The following JAKMIP2 variants were observed in gnomAD, a reference collection of about 807,000 sequenced individuals.
The protein encoded by JAKMIP2 is janus kinase and microtubule interacting protein 2, also known as janus kinase and microtubule-interacting protein 2.
In JAKMIP2, 25 loss-of-function variants were observed where a neutral mutation model predicts 115.0. The ratio of observed to expected loss-of-function variants is 0.22; its 90% CI spans 0.16 to 0.30. The LOEUF is 0.30. Among genes scored for constraint, JAKMIP2 ranks in the 10% least tolerant of loss-of-function variants. The pLI, the probability that JAKMIP2 is intolerant of heterozygous loss-of-function variation, is 1.00. For missense variants in JAKMIP2, 642 were observed against 957.6 expected (o/e 0.67, Z 4.35); for synonymous variants, 334 against 343.6 (o/e 0.97, Z 0.31).
chr5:147,612,181 G>C (rs545652415), intron 20 of JAKMIP2, 125 bp downstream of exon 20: 3 of 777,822 alleles, frequency 3.9e-6, no homozygotes, highest in Non-Finnish European at 6.9e-6. Flanking sequence ...TAGGTTTACT[G>C]TAACTATACC....
intron 1 of JAKMIP2, among the ~76,000 whole-genome samples, chr5:147,694,400 G>A (rs547510484): frequency 6.6e-6 from 1 of 152,200 alleles, no homozygotes; most frequent in African/African-American, 2.4e-5. Context: ...TCCTTGATGG[G>A]CTGTCTACAC....
At chr5:147,679,369 C>T (rs1760141758) in intron 1 of JAKMIP2, among the ~76,000 whole-genome samples, 1 of 152,116 alleles carries the variant, frequency 6.6e-6, no homozygotes, top group African/African-American at 2.4e-5. Flanking sequence ...GAAAATATGG[C>T]CACTATTTAC....
intron 1 of JAKMIP2, among the ~76,000 whole-genome samples, chr5:147,730,604 C>T (rs1056727338): frequency 1.5e-4 from 23 of 152,204 alleles, no homozygotes; most frequent in Non-Finnish European, 2.6e-4. Context: ...TAGAGGCACA[C>T]GCCACCATGT....
At chr5:147,606,484 G>A (rs1020645821) in intron 20 of JAKMIP2, among the ~76,000 whole-genome samples, 1 of 152,116 alleles carries the variant, frequency 6.6e-6, no homozygotes, top group Non-Finnish European at 1.5e-5. Flanking sequence ...TCAAAGATCC[G>A]ATGGTTGTAG....
intron 1 of JAKMIP2, among the ~76,000 whole-genome samples, chr5:147,763,993 T>TA (rs1303406908): frequency 6.6e-6 from 1 of 152,118 alleles, no homozygotes; most frequent in Non-Finnish European, 1.5e-5. Flanking sequence ...GGAAAATACT[T>TA]AGAGACCAAG....
chr5:147,592,438 G>T (rs1299323435), intron 21 of JAKMIP2, among the ~76,000 whole-genome samples: 1 of 152,192 alleles, frequency 6.6e-6, no homozygotes, highest in African/African-American at 2.4e-5. Flanking sequence ...GCTACCCTGG[G>T]GATGTGCCAG....
chr5:147,664,670 G>A (rs1759204541), intron 2 of JAKMIP2, among the ~76,000 whole-genome samples: 1 of 151,998 alleles, frequency 6.6e-6, no homozygotes, highest in African/African-American at 2.4e-5. Flanking sequence ...CTTAGTAGCG[G>A]TTTTCACAGT....
chr5:147,710,587 G>T (rs541023089), intron 1 of JAKMIP2, among the ~76,000 whole-genome samples: 1 of 152,244 alleles, frequency 6.6e-6, no homozygotes, highest in Non-Finnish European at 1.5e-5. Context: ...TATAATACTT[G>T]CTTTATCTCC....
At chr5:147,635,293 C>G (rs1333648215) in intron 12 of JAKMIP2, among the ~76,000 whole-genome samples, 1 of 151,922 alleles carries the variant, frequency 6.6e-6, no homozygotes, top group East Asian at 1.9e-4. Context: ...GTTCAGATAA[C>G]CAAAATTAAT....
chr5:147,596,751 T>C (rs1252405649), intron 21 of JAKMIP2, among the ~76,000 whole-genome samples: 1 of 152,224 alleles, frequency 6.6e-6, no homozygotes, highest in Non-Finnish European at 1.5e-5. Context: ...AATTTATATA[T>C]GACTGGATAA....
intron 3 of JAKMIP2, among the ~76,000 whole-genome samples, chr5:147,654,801 G>C (rs1267835614): frequency 2.0e-5 from 3 of 152,088 alleles, no homozygotes; most frequent in African/African-American, 7.2e-5. Flanking sequence ...GGTTTTCAAA[G>C]GGAATTCTTC....
chr5:147,590,156 C>T lies in JAKMIP2; in HGVS notation c.*1551G>A, dbSNP rs1755043252. The T allele has an allele frequency of 6.6e-6, 1 of 152,102 alleles. No individual in the cohort carries two copies. Among genetic ancestry groups the T allele is most frequent in the African/African-American group, 2.4e-5 (1 of 41,400 alleles). 9.4% of individuals were successfully genotyped at this position (152,102 alleles called of 1,614,324 possible). On this transcript the variant is annotated 3_prime_UTR_variant, in exon 22 of 22. Transcript: ENST00000616793. ...GGCTTTGCAAATGCCAGTGCTAAAA[C>T]TGAAGGATGATAGTGAACCCACATA...
intron 20 of JAKMIP2, among the ~76,000 whole-genome samples, chr5:147,604,332 GT>G (rs1178669916): frequency 2.0e-4 from 30 of 152,158 alleles, no homozygotes; most frequent in Non-Finnish European, 4.3e-4. Context: ...CATTTTTAGT[GT>G]TTCCTTTTTC....
chr5:147,611,425 T>C (rs1216135381), intron 20 of JAKMIP2, among the ~76,000 whole-genome samples: 1 of 152,098 alleles, frequency 6.6e-6, no homozygotes, highest in Non-Finnish European at 1.5e-5. Flanking sequence ...ATGGCTTCCC[T>C]TGGCTAGGGG....
intron 9 of JAKMIP2, among the ~76,000 whole-genome samples, chr5:147,640,270 T>G (rs1488043092): frequency 6.6e-6 from 1 of 152,186 alleles, no homozygotes. Context: ...GTTTCACTCC[T>G]AAGATCCTGA....
chr5:147,725,253 G>A (rs1045744359), intron 1 of JAKMIP2, among the ~76,000 whole-genome samples: 4 of 152,190 alleles, frequency 2.6e-5, no homozygotes, highest in South Asian at 2.1e-4. Flanking sequence ...CCCTTTCCTG[G>A]AAAACTCATG....
At chr5:147,726,163 G>A (rs1363906553) in intron 1 of JAKMIP2, among the ~76,000 whole-genome samples, 3 of 152,162 alleles carry the variant, frequency 2.0e-5, no homozygotes, top group African/African-American at 4.8e-5. Flanking sequence ...ACACTTGGTC[G>A]GAAGGATCAT....
chr5:147,671,895 C>T lies in JAKMIP2; in HGVS notation c.-89G>A. The T allele has an allele frequency of 7.1e-7, 1 of 1,413,448 alleles. No individual in the cohort carries two copies. The highest frequency in any genetic ancestry group is 2.4e-5 in the Admixed American group (1 of 41,080). The allele number at this position is 1,413,448 out of a possible 1,614,324, so 87.6% of individuals were successfully genotyped here. A position where few individuals can be genotyped will look rare whatever the true frequency, so the allele number is the denominator to read the frequency against. ...TGTTTCTTATCCTGGAGTACGATGT[C>T]TCAGCATCTACTGTGTGGTGCTCCT... On this transcript the variant is annotated 5_prime_UTR_variant, in exon 2 of 22. Transcript: ENST00000616793.
chr5:147,658,438 G>A lies in JAKMIP2; in HGVS notation c.627+2510C>T, dbSNP rs540475469. On this transcript the variant is annotated intron_variant, in intron 3 of 21. Transcript: ENST00000616793. ...TGCCAGCCAGAGCTCTCCTGTATGA[G>A]GTGTCTGTTGGCCCCTGCTGGGAGG... Among the ~76,000 whole-genome samples the A allele has an allele frequency of 7.9e-5, 12 of 152,298 alleles. No homozygotes were observed. The South Asian group carries it at 2.5e-3, about 32-fold the overall frequency.
Sources: allele counts gnomAD v4.1 joint callset (sites outside exome capture counted in the v4.1 genomes callset), GRCh38; gene constraint gnomAD v4.1.1; transcripts MANE v1.5; gene names NCBI Gene and HGNC (gene_info 2026-07-23, HGNC 2026-07-21).